LMO7: variants seen among roughly 807,000 people sequenced by gnomAD.
LMO7 encodes the protein LIM domain 7.
Under a neutral mutation model 206.5 loss-of-function variants are expected in LMO7, and 120 were observed. That is an observed-to-expected ratio of 0.58 (90% CI 0.50 to 0.68). LMO7 has a LOEUF of 0.68. Ranked by LOEUF, LMO7 falls within the 30% of genes least tolerant of loss-of-function variation. The pLI, the probability that LMO7 is intolerant of heterozygous loss-of-function variation, is 0.00. For missense variants in LMO7, 1,959 were observed against 1,957.9 expected (o/e 1.00, Z -0.01); for synonymous variants, 706 against 681.5 (o/e 1.04, Z -0.56).
At chr13:75,676,017 CTA>C (rs1251157527) in intron 1 of LMO7, among the ~76,000 whole-genome samples, 4 of 152,246 alleles carry the variant, frequency 2.6e-5, no homozygotes, top group African/African-American at 7.2e-5. Flanking sequence ...GTAAAAGACT[CTA>C]TGTGTTACTA....
At chr13:75,841,555 A>C in intron 23 of LMO7, 73 bp from the exon 24 acceptor site, 1 of 1,086,730 alleles carries the variant, frequency 9.2e-7, no homozygotes, top group Non-Finnish European at 1.3e-6. Context: ...CTAAAACTGA[A>C]TATATATGTG....
At chr13:75,700,509 C>A (rs1485034169) in intron 1 of LMO7, among the ~76,000 whole-genome samples, 1 of 152,248 alleles carries the variant, frequency 6.6e-6, no homozygotes, top group Non-Finnish European at 1.5e-5. Context: ...TAGATCTTAG[C>A]AACCTCAGCA....
At chr13:75,729,922 G>T (rs1456132156) in intron 3 of LMO7, among the ~76,000 whole-genome samples, 3 of 151,864 alleles carry the variant, frequency 2.0e-5, no homozygotes, top group Non-Finnish European at 2.9e-5. Flanking sequence ...TTATATGCTG[G>T]ATTACATTGA....
chr13:75,760,807 C>G, intron 3 of LMO7, 125 bp from the exon 4 acceptor site: 1 of 1,548,480 alleles, frequency 6.5e-7, no homozygotes, highest in Non-Finnish European at 8.7e-7. Flanking sequence ...ATGCATGGGT[C>G]TTGCTGCTGC....
At chr13:75,746,598 C>T (rs780681242) in intron 3 of LMO7, among the ~76,000 whole-genome samples, 94 of 152,212 alleles carry the variant, frequency 6.2e-4, no homozygotes, top group Admixed American at 1.1e-3. Context: ...ATTGATGGAT[C>T]TGCCAACAAT....
intron 1 of LMO7, among the ~76,000 whole-genome samples, chr13:75,666,993 A>G (rs1259668892): frequency 1.3e-5 from 2 of 152,226 alleles, no homozygotes; most frequent in Non-Finnish European, 2.9e-5. Context: ...TAAGAAAAAA[A>G]GTCTAGCTTA....
At chr13:75,704,635 A>T (rs904825605) in intron 1 of LMO7, among the ~76,000 whole-genome samples, 3 of 152,226 alleles carry the variant, frequency 2.0e-5, no homozygotes, top group Non-Finnish European at 4.4e-5. Flanking sequence ...AAGTTAAACG[A>T]GAGAAGTGCC....
At chr13:75,816,256 C>T (rs1299014989) in intron 11 of LMO7, among the ~76,000 whole-genome samples, 2 of 152,202 alleles carry the variant, frequency 1.3e-5, no homozygotes, top group African/African-American at 4.8e-5. Flanking sequence ...AAGAGGTGTA[C>T]AGTTACTTAA....
At chr13:75,641,014 T>A (rs2036479516) in intron 1 of LMO7, among the ~76,000 whole-genome samples, 1 of 152,246 alleles carries the variant, frequency 6.6e-6, no homozygotes, top group Non-Finnish European at 1.5e-5. Flanking sequence ...GCCTACTGTG[T>A]GCCAGAAACT....
intron 4 of LMO7, among the ~76,000 whole-genome samples, 164 bp downstream of exon 4, chr13:75,761,202 A>T (rs1233035145): frequency 6.6e-6 from 1 of 152,124 alleles, no homozygotes; most frequent in Non-Finnish European, 1.5e-5. Context: ...AAAATGGCTT[A>T]GGGACTGTGA....
intron 4 of LMO7, among the ~76,000 whole-genome samples, chr13:75,781,179 A>C (rs1224815067): frequency 7.3e-6 from 1 of 137,158 alleles, no homozygotes; most frequent in Non-Finnish European, 1.5e-5. Context: ...CACATTGTGC[A>C]GGTTAGCTAC....
intron 1 of LMO7, among the ~76,000 whole-genome samples, chr13:75,701,341 G>A (rs1365022351): frequency 6.6e-5 from 10 of 152,156 alleles, no homozygotes; most frequent in South Asian, 4.1e-4. Context: ...TAGCAAGGGC[G>A]TAACTGTCAG....
At chr13:75,780,558 A>T (rs1490565187) in intron 4 of LMO7, among the ~76,000 whole-genome samples, 1 of 152,188 alleles carries the variant, frequency 6.6e-6, no homozygotes, top group Non-Finnish European at 1.5e-5. Context: ...TTGTTCAAAC[A>T]CACATGCTCT....
intron 1 of LMO7, among the ~76,000 whole-genome samples, chr13:75,662,984 C>T (rs746018550): frequency 3.9e-5 from 6 of 152,242 alleles, no homozygotes; most frequent in South Asian, 2.1e-4. Context: ...TATGAGGAAA[C>T]GAAAGCCCAC....
At chr13:75,786,477 C>G (rs2052450665) in intron 4 of LMO7, among the ~76,000 whole-genome samples, 1 of 151,796 alleles carries the variant, frequency 6.6e-6, no homozygotes, top group Non-Finnish European at 1.5e-5. Flanking sequence ...CAAGTTCACG[C>G]CACTCTCCTG....
intron 20 of LMO7, chr13:75,838,426 C>T (rs1278858744): frequency 1.0e-5 from 6 of 587,900 alleles, no homozygotes; most frequent in East Asian, 1.8e-4. Context: ...TACCTCTAAA[C>T]ATTTTACTTT....
rs569065158 is a variant in LMO7, at chr13:75,794,637, C to A, written c.318-764C>A. Among the ~76,000 whole-genome samples, 13 of 152,280 alleles carry A rather than the reference C, an allele frequency of 8.5e-5. No homozygotes were observed. The South Asian group carries it at 2.7e-3, about 32-fold the overall frequency. ...ACAAGTCTCTGAATTCACACCGATC[C>A]TGCTTAAGTGTCTCTAATGAGGGGA... On this transcript the variant is annotated intron_variant, in intron 4 of 30. Transcript: ENST00000377534.
chr13:75,692,253 G>A (rs1842091115), intron 1 of LMO7, among the ~76,000 whole-genome samples: 1 of 152,134 alleles, frequency 6.6e-6, no homozygotes, highest in African/African-American at 2.4e-5. Flanking sequence ...AGACTACCCA[G>A]GCCCTAGTTC....
intron 1 of LMO7, among the ~76,000 whole-genome samples, chr13:75,702,806 TTGAA>T (rs1288231686): frequency 6.6e-6 from 1 of 152,236 alleles, no homozygotes; most frequent in Non-Finnish European, 1.5e-5. Flanking sequence ...TAAATAATTT[TTGAA>T]TGAATGAATA....
Sources: gnomAD v4.1 joint callset for allele counts (sites outside exome capture counted in the v4.1 genomes callset) on GRCh38, gnomAD v4.1.1 for gene constraint, MANE v1.5 for transcripts, NCBI Gene and HGNC (gene_info 2026-07-23, HGNC 2026-07-21) for gene names.